The following PPP2R3A variants were observed in gnomAD, a reference collection of about 807,000 sequenced individuals.
PPP2R3A encodes the protein protein phosphatase 2 regulatory subunit B''alpha.
PPP2R3A carries 80 observed loss-of-function variants against 106.9 expected under a neutral mutation model. The observed-to-expected ratio is 0.75, with a 90% CI of 0.62 to 0.90. PPP2R3A has a LOEUF of 0.90. Among genes scored for constraint, PPP2R3A ranks in the 40% least tolerant of loss-of-function variants. The pLI is 0.00. For missense variants in PPP2R3A, 1,386 were observed against 1,350.4 expected, an observed-to-expected ratio of 1.03 and a Z score of -0.41; for synonymous variants, 483 against 468.3, an observed-to-expected ratio of 1.03 and a Z score of -0.41.
rs150687927 is a variant in PPP2R3A at position 136,044,121 on chromosome 3, G to A, written c.2366+3159G>A. Among the ~76,000 whole-genome samples the A allele has an allele frequency of 1.9e-3, 295 of 152,200 alleles. 1 individual carries two copies. The highest frequency in any genetic ancestry group is 6.6e-3 in the African/African-American group (276 of 41,520). ...CATCCCACCCATTTTCTAATCCTGA[G>A]AGGTGGCTCCTATTAGCATCTATTG... On this transcript the variant is annotated intron_variant, in intron 4 of 13. Transcript: ENST00000264977.
At chr3:136,060,183 T>C (rs1936027687) in intron 5 of PPP2R3A, among the ~76,000 whole-genome samples, 1 of 152,194 alleles carries the variant, frequency 6.6e-6, no homozygotes, top group Non-Finnish European at 1.5e-5. Flanking sequence ...CCAGTCAGCT[T>C]TAAACAAAGA....
At chr3:136,142,079 G>A (rs1272426520) in intron 13 of PPP2R3A, among the ~76,000 whole-genome samples, 1 of 152,186 alleles carries the variant, frequency 6.6e-6, no homozygotes, top group Non-Finnish European at 1.5e-5. Flanking sequence ...GGCTGAGGCT[G>A]GACATAGTTT....
chr3:136,013,884 T>A (rs1443484968), intron 2 of PPP2R3A, among the ~76,000 whole-genome samples: 1 of 152,174 alleles, frequency 6.6e-6, no homozygotes, highest in Non-Finnish European at 1.5e-5. Context: ...TTGCATTTGC[T>A]TTTGGGTCCT....
chr3:136,044,742 C>CA (rs1240726766), intron 4 of PPP2R3A, among the ~76,000 whole-genome samples: 5 of 152,092 alleles, frequency 3.3e-5, no homozygotes, highest in African/African-American at 1.2e-4. Context: ...ATGATGCAGT[C>CA]ACTGAGGCTG....
At chr3:136,085,417 C>T (rs1576491161) in intron 8 of PPP2R3A, among the ~76,000 whole-genome samples, 1 of 152,256 alleles carries the variant, frequency 6.6e-6, no homozygotes, top group African/African-American at 2.4e-5. Flanking sequence ...TTATAAATTA[C>T]CCAGTCTCAG....
At chr3:136,143,074 A>G (rs892477623) in intron 13 of PPP2R3A, among the ~76,000 whole-genome samples, 1 of 152,228 alleles carries the variant, frequency 6.6e-6, no homozygotes, top group African/African-American at 2.4e-5. Context: ...AATGGAATGG[A>G]ATATTTTTAT....
At chr3:135,997,898 C>G (rs968908877) in intron 1 of PPP2R3A, among the ~76,000 whole-genome samples, 5 of 152,220 alleles carry the variant, frequency 3.3e-5, no homozygotes, top group Admixed American at 3.3e-4. Context: ...TCTAGGTCTT[C>G]AGTCTGGTTC....
intron 10 of PPP2R3A, 127 bp downstream of exon 10, chr3:136,090,794 T>C (rs1431156811): frequency 6.0e-6 from 4 of 671,956 alleles, no homozygotes; most frequent in Non-Finnish European, 1.0e-5. Context: ...TAGACTTAGT[T>C]TCTGCCGTCT....
intron 1 of PPP2R3A, among the ~76,000 whole-genome samples, chr3:135,969,592 A>T (rs1440569357): frequency 1.3e-5 from 2 of 152,210 alleles, no homozygotes; most frequent in Non-Finnish European, 2.9e-5. Flanking sequence ...CCAAGAGCAG[A>T]GGGCTAAACT....
intron 1 of PPP2R3A, among the ~76,000 whole-genome samples, chr3:135,975,929 C>T (rs9825239): frequency 0.23 from 35,111 of 152,012 alleles, 4,876 homozygotes; most frequent in Non-Finnish European, 0.32. Context: ...AATCTTCATA[C>T]CCTCACCAAT....
intron 10 of PPP2R3A, among the ~76,000 whole-genome samples, chr3:136,097,073 T>C (rs1937233175): frequency 6.6e-6 from 1 of 152,226 alleles, no homozygotes; most frequent in Non-Finnish European, 1.5e-5. Context: ...GTGGTAAATA[T>C]AGCAGAAATC....
At chr3:135,996,512 T>C (rs1294336079) in intron 1 of PPP2R3A, among the ~76,000 whole-genome samples, 1 of 152,260 alleles carries the variant, frequency 6.6e-6, no homozygotes, top group African/African-American at 2.4e-5. Context: ...TTGGTTAATC[T>C]AACAGAGTTA....
At chr3:136,060,515 T>G (rs558488021) in intron 5 of PPP2R3A, among the ~76,000 whole-genome samples, 1 of 152,134 alleles carries the variant, frequency 6.6e-6, no homozygotes, top group South Asian at 2.1e-4. Flanking sequence ...TCATGAGATC[T>G]GATTGTTTGA....
intron 2 of PPP2R3A, chr3:136,022,902 A>G (rs1934514066): frequency 7.0e-7 from 1 of 1,424,200 alleles, no homozygotes; most frequent in Admixed American, 3.1e-5. Context: ...CAGGACAAGC[A>G]TAGATTGTGG....
intron 13 of PPP2R3A, among the ~76,000 whole-genome samples, chr3:136,123,874 T>G (rs1196798286): frequency 2.0e-5 from 3 of 152,182 alleles, no homozygotes; most frequent in Non-Finnish European, 4.4e-5. Flanking sequence ...ACAGAAGACT[T>G]AATAGTCAAC....
chr3:136,008,983 A>G (rs1403918866), intron 2 of PPP2R3A, among the ~76,000 whole-genome samples: 1 of 149,856 alleles, frequency 6.7e-6, no homozygotes, highest in Non-Finnish European at 1.5e-5. Context: ...CCCCCACCCC[A>G]CTTTCCTCCT....
chr3:136,013,285 T>C (rs1203643139), intron 2 of PPP2R3A, among the ~76,000 whole-genome samples: 1 of 152,118 alleles, frequency 6.6e-6, no homozygotes, highest in East Asian at 1.9e-4. Flanking sequence ...TTCCATAGTT[T>C]TGCAATTGCA....
At chr3:136,046,395 A>G (rs1935471088) in intron 4 of PPP2R3A, among the ~76,000 whole-genome samples, 1 of 151,952 alleles carries the variant, frequency 6.6e-6, no homozygotes, top group African/African-American at 2.4e-5. Context: ...CAGAGGTTGC[A>G]GTGAGCCGAG....
At chr3:136,136,426 A>G (rs1008110779) in intron 13 of PPP2R3A, among the ~76,000 whole-genome samples, 1 of 152,082 alleles carries the variant, frequency 6.6e-6, no homozygotes, top group Non-Finnish European at 1.5e-5. Flanking sequence ...CTTCACTCCT[A>G]GGGCACATTT....
Sources: gnomAD v4.1 joint callset for allele counts (sites outside exome capture counted in the v4.1 genomes callset) on GRCh38, gnomAD v4.1.1 for gene constraint, MANE v1.5 for transcripts, NCBI Gene and HGNC (gene_info 2026-07-23, HGNC 2026-07-21) for gene names.